BCAR3: variants seen among roughly 807,000 people sequenced by gnomAD.
The protein encoded by BCAR3 is breast cancer anti-estrogen resistance protein 3.
Under a neutral mutation model 80.1 loss-of-function variants are expected in BCAR3, and 37 were observed. The ratio of observed to expected loss-of-function variants is 0.46; its 90% CI spans 0.36 to 0.61. BCAR3 has a LOEUF of 0.61. Ranked by LOEUF, BCAR3 falls within the 20% of genes least tolerant of loss-of-function variation. The pLI is 0.00. For missense variants in BCAR3, 978 were observed against 1,068.2 expected (o/e 0.92, Z 1.18); for synonymous variants, 389 against 418.9 (o/e 0.93, Z 0.87).
At chr1:93,626,258 T>C (rs1399713937) in intron 3 of BCAR3, among the ~76,000 whole-genome samples, 4 of 152,198 alleles carry the variant, frequency 2.6e-5, no homozygotes, top group Non-Finnish European at 5.9e-5. Flanking sequence ...TTTCCTACAT[T>C]AAAAACAAGT....
rs528772701 is a variant in BCAR3 at position 93,633,355 on chromosome 1, C to T, written c.357+8949G>A. ...CTTAATTCTATCTCTAAAAGCCCTT[C>T]ACCATGTGGCCTAACTTTCCATTCC... On this transcript the variant is annotated intron_variant, in intron 3 of 11. Coordinates refer to ENST00000260502, the MANE Select transcript of BCAR3 (RefSeq NM_003567.4). Among the ~76,000 whole-genome samples the T allele has an allele frequency of 8.1e-4, 123 of 152,314 alleles. 1 individual carries two copies. In the South Asian group the frequency reaches 0.025, roughly 31 times the overall value.
chr1:93,732,127 G>A (rs1018170533), intron 2 of BCAR3, among the ~76,000 whole-genome samples: 1 of 152,224 alleles, frequency 6.6e-6, no homozygotes, highest in Non-Finnish European at 1.5e-5. Context: ...ATAGAAAGAG[G>A]TTCACAGAAC....
In BCAR3 at chr1:93,584,077, A is replaced by G. The variant is rs751064191; in HGVS notation, c.974T>C (p.Met325Thr). The G allele has an allele frequency of 6.8e-6, 11 of 1,614,194 alleles. No individual in the cohort carries two copies. The South Asian group carries it at 1.1e-4, about 16-fold the overall frequency. The change falls in exon 6 of 12, where the codon ATG becomes ACG. Residue 325 changes from methionine (M) to threonine (T), a missense_variant. Coordinates refer to ENST00000260502, the MANE Select transcript of BCAR3 (RefSeq NM_003567.4). ...GAGGGACAAGGCTCTTCTGTCCTGC[A>G]TGTGATCCAGGCAGGCGGGCTGGCT... ...SGSQPACLDH[M>T]QDRRALSLKA... is the part of the protein sequence containing the mutation.
At chr1:93,712,506 C>G (rs1650058386) in intron 2 of BCAR3, among the ~76,000 whole-genome samples, 1 of 152,234 alleles carries the variant, frequency 6.6e-6, no homozygotes, top group African/African-American at 2.4e-5. Flanking sequence ...GATTTGTACT[C>G]TCCAGCCATC....
At chr1:93,685,353 A>ATGTGTG (rs10606446), upstream of BCAR3, among the ~76,000 whole-genome samples, 6 of 150,338 alleles carry the variant, frequency 4.0e-5, no homozygotes, top group African/African-American at 1.5e-4. Context: ...CAGAGTTTCT[A>ATGTGTG]TGTGTGTGTG....
intron 2 of BCAR3, among the ~76,000 whole-genome samples, chr1:93,656,555 AT>A (rs914592689): frequency 4.6e-5 from 7 of 151,198 alleles, no homozygotes; most frequent in African/African-American, 7.3e-5. Flanking sequence ...TTAAAAAAAA[AT>A]GTACCATACA....
intron 2 of BCAR3, among the ~76,000 whole-genome samples, chr1:93,645,563 G>T (rs1055456361): frequency 2.7e-4 from 40 of 147,672 alleles, no homozygotes; most frequent in African/African-American, 8.7e-4. Flanking sequence ...GGATCTAACA[G>T]TTTTTTTTTT....
At chr1:93,757,175 T>C (rs1195266171) in intron 2 of BCAR3, among the ~76,000 whole-genome samples, 2 of 152,204 alleles carry the variant, frequency 1.3e-5, no homozygotes, top group Non-Finnish European at 2.9e-5. Flanking sequence ...CCTTTACTCC[T>C]GTCTTCTGTT....
chr1:93,573,861 T>G (rs1673335285), intron 8 of BCAR3, among the ~76,000 whole-genome samples: 1 of 152,124 alleles, frequency 6.6e-6, no homozygotes. Flanking sequence ...ATTCCTGGGC[T>G]CAAGTGATCC....
intron 2 of BCAR3, among the ~76,000 whole-genome samples, chr1:93,785,164 A>G (rs1322312082): frequency 6.6e-6 from 1 of 152,188 alleles, no homozygotes; most frequent in Non-Finnish European, 1.5e-5. Context: ...GAGAGAGAGG[A>G]TTAAAAAAGA....
At chr1:93,644,244 C>A (rs1571001465) in intron 2 of BCAR3, among the ~76,000 whole-genome samples, 1 of 152,316 alleles carries the variant, frequency 6.6e-6, no homozygotes, top group East Asian at 1.9e-4. Context: ...AAAAGTCTAG[C>A]ACCTTTTAAA....
chr1:93,816,811 A>G (rs1049084479), intron 2 of BCAR3, among the ~76,000 whole-genome samples: 1 of 152,154 alleles, frequency 6.6e-6, no homozygotes, highest in Non-Finnish European at 1.5e-5. Context: ...TAGGAACAAG[A>G]TATTCAGGAA....
At chr1:93,813,658 T>C (rs569849646) in intron 2 of BCAR3, among the ~76,000 whole-genome samples, 3 of 152,330 alleles carry the variant, frequency 2.0e-5, no homozygotes, top group Non-Finnish European at 4.4e-5. Context: ...ATTGTACCCC[T>C]TTACCCCTTA....
chr1:93,717,580 T>C (rs1304976454), intron 2 of BCAR3, among the ~76,000 whole-genome samples: 1 of 151,776 alleles, frequency 6.6e-6, no homozygotes, highest in Non-Finnish European at 1.5e-5. Context: ...CAAAAAAAAT[T>C]AGCTGGGCAT....
intron 3 of BCAR3, among the ~76,000 whole-genome samples, chr1:93,626,463 G>A (rs1675459322): frequency 6.6e-6 from 1 of 152,178 alleles, no homozygotes; most frequent in Admixed American, 6.5e-5. Context: ...CTGATCTGCA[G>A]GCTGGGGGGT....
chr1:93,588,314 A>G (rs556842366), intron 5 of BCAR3, among the ~76,000 whole-genome samples: 1 of 152,142 alleles, frequency 6.6e-6, no homozygotes, highest in Admixed American at 6.5e-5. Context: ...GAGTCCTGGG[A>G]GGCCAGGCTC....
At chr1:93,805,580 G>A (rs74408788) in intron 2 of BCAR3, among the ~76,000 whole-genome samples, 239 of 558 alleles carry the variant, frequency 0.43, 5 homozygotes, top group East Asian at 0.51. Context: ...CTGCATTCCT[G>A]CCTTTAGGAC....
At chr1:93,810,799 C>G (rs1010296623) in intron 2 of BCAR3, among the ~76,000 whole-genome samples, 1 of 152,134 alleles carries the variant, frequency 6.6e-6, no homozygotes, top group East Asian at 1.9e-4. Context: ...CTAATATACT[C>G]CCATTAGGCT....
At chr1:93,819,160 C>T (rs1268321390) in intron 2 of BCAR3, among the ~76,000 whole-genome samples, 14 of 151,774 alleles carry the variant, frequency 9.2e-5, no homozygotes, top group East Asian at 5.8e-4. Flanking sequence ...TCCGCCTCCC[C>T]GGTTCAAGCC....
Sources: allele counts gnomAD v4.1 joint callset (sites outside exome capture counted in the v4.1 genomes callset), GRCh38; gene constraint gnomAD v4.1.1; transcripts MANE v1.5; gene names NCBI Gene and HGNC (gene_info 2026-07-23, HGNC 2026-07-21).